The following SYN3 variants were observed in gnomAD, a reference collection of about 807,000 sequenced individuals.
SYN3 encodes the protein synapsin III.
Under a neutral mutation model 65.8 loss-of-function variants are expected in SYN3, and 35 were observed. The observed-to-expected ratio is 0.53, with a 90% confidence interval of 0.41 to 0.70. SYN3 has a LOEUF of 0.70. Ranked by LOEUF, SYN3 falls within the 30% of genes least tolerant of loss-of-function variation. The pLI is 0.00. For missense variants in SYN3, 680 were observed against 749.0 expected (o/e 0.91, Z 1.08); for synonymous variants, 270 against 292.9 (o/e 0.92, Z 0.80).
intron 6 of SYN3, chr22:32,784,892 A>C (rs1179056357): frequency 1.3e-5 from 2 of 152,200 alleles, no homozygotes; most frequent in Non-Finnish European, 2.9e-5. Context: ...TCCTGTTTAT[A>C]CCAGGGCAGG....
intron 6 of SYN3, among the ~76,000 whole-genome samples, chr22:32,828,125 C>CT (rs2047467335): frequency 2.6e-5 from 4 of 152,232 alleles, no homozygotes; most frequent in African/African-American, 9.6e-5. Context: ...ACTTGAAACT[C>CT]TAACATTTGT....
intron 6 of SYN3, among the ~76,000 whole-genome samples, chr22:32,808,119 G>A (rs1371499587): frequency 1.3e-5 from 2 of 152,130 alleles, no homozygotes; most frequent in Admixed American, 6.5e-5. Context: ...GGAGTAATTC[G>A]GTTGAAGATA....
chr22:33,023,721 C>T (rs905659778), intron 1 of SYN3, among the ~76,000 whole-genome samples: 16 of 152,016 alleles, frequency 1.1e-4, no homozygotes, highest in Admixed American at 5.9e-4. Context: ...CACAGTGCGA[C>T]GCTGTCTCAA....
rs1314674890 is a variant in SYN3, at chr22:32,589,316, C to T, written c.774+7358G>A. ...GGACTGCTCATAACATTGGTTAATA[C>T]CACAGAATCTCATCATTGGAGGATA... On this transcript the variant is annotated intron_variant, in intron 7 of 13. Coordinates refer to ENST00000358763, the MANE Select transcript of SYN3 (RefSeq NM_003490.4). Among the ~76,000 whole-genome samples the T allele has an allele frequency of 2.6e-5, 4 of 152,176 alleles. No homozygotes were observed. In the East Asian group the frequency reaches 7.7e-4, roughly 29 times the overall value.
At chr22:32,843,707 G>A (rs1377558381) in intron 6 of SYN3, among the ~76,000 whole-genome samples, 1 of 152,142 alleles carries the variant, frequency 6.6e-6, no homozygotes, top group Admixed American at 6.5e-5. Flanking sequence ...GCGAGCCCAT[G>A]GTCCAGGCTT....
chr22:32,648,090 C>T (rs2060010014), intron 6 of SYN3, among the ~76,000 whole-genome samples: 1 of 152,012 alleles, frequency 6.6e-6, no homozygotes, highest in African/African-American at 2.4e-5. Context: ...TCTCAAACTC[C>T]TGGCCTCAAG....
intron 6 of SYN3, among the ~76,000 whole-genome samples, chr22:32,832,357 G>A (rs2047598348): frequency 1.3e-5 from 2 of 152,100 alleles, no homozygotes; most frequent in Non-Finnish European, 2.9e-5. Flanking sequence ...GGTTAATTGG[G>A]ACACTAGAAT....
chr22:32,979,895 G>A (rs1216339262), intron 3 of SYN3, among the ~76,000 whole-genome samples: 1 of 152,132 alleles, frequency 6.6e-6, no homozygotes, highest in Non-Finnish European at 1.5e-5. Context: ...CCTGGAGTAT[G>A]GCTCCAGAAC....
intron 6 of SYN3, among the ~76,000 whole-genome samples, chr22:32,750,152 CTA>C (rs2145648018): frequency 6.6e-6 from 1 of 152,284 alleles, no homozygotes; most frequent in Admixed American, 6.5e-5. Flanking sequence ...AAATACATCA[CTA>C]TATTGTATGT....
At chr22:32,996,890 G>A (rs909474831) in intron 2 of SYN3, among the ~76,000 whole-genome samples, 2 of 152,222 alleles carry the variant, frequency 1.3e-5, no homozygotes, top group African/African-American at 4.8e-5. Context: ...TTCTTCTGAG[G>A]GTGAGGTCAC....
At chr22:32,556,759 ACCCAATG>A (rs2058502794) in intron 7 of SYN3, among the ~76,000 whole-genome samples, 1 of 113,204 alleles carries the variant, frequency 8.8e-6, no homozygotes, top group African/African-American at 4.2e-5. Context: ...ATATCCATAT[ACCCAATG>A]ACCCAATGAC....
chr22:32,835,754 T>G (rs1315937582), intron 6 of SYN3, among the ~76,000 whole-genome samples: 2 of 152,208 alleles, frequency 1.3e-5, no homozygotes, highest in Non-Finnish European at 2.9e-5. Flanking sequence ...ACTGGACTTC[T>G]CTCTTCCTGC....
intron 10 of SYN3, among the ~76,000 whole-genome samples, chr22:32,533,174 C>G (rs1456435638): frequency 1.3e-5 from 2 of 151,980 alleles, no homozygotes; most frequent in Non-Finnish European, 2.9e-5. Flanking sequence ...CCGGGACCCA[C>G]AGCCCCTCTG....
chr22:32,808,728 T>C (rs1302742648), intron 6 of SYN3, among the ~76,000 whole-genome samples: 1 of 152,182 alleles, frequency 6.6e-6, no homozygotes, highest in Non-Finnish European at 1.5e-5. Context: ...CTTTCCCTGA[T>C]CACTCCTTGG....
chr22:33,042,464 C>T (rs1276912903), intron 1 of SYN3, among the ~76,000 whole-genome samples: 3 of 152,190 alleles, frequency 2.0e-5, no homozygotes, highest in Non-Finnish European at 4.4e-5. Context: ...GCCAAACGGA[C>T]GTGGTAAATC....
chr22:32,603,086 G>C (rs916053755), intron 6 of SYN3, among the ~76,000 whole-genome samples: 1 of 151,714 alleles, frequency 6.6e-6, no homozygotes, highest in Non-Finnish European at 1.5e-5. Context: ...CATTGCATAC[G>C]GGGTGAATCA....
chr22:32,876,975 G>GTAGA (rs543751699), intron 4 of SYN3, among the ~76,000 whole-genome samples: 5 of 152,194 alleles, frequency 3.3e-5, no homozygotes, highest in East Asian at 1.9e-4. Context: ...TAGACGGTAG[G>GTAGA]TAGATAGATA....
intron 4 of SYN3, among the ~76,000 whole-genome samples, chr22:32,879,021 T>C (rs1601607000): frequency 6.6e-6 from 1 of 152,148 alleles, no homozygotes; most frequent in Non-Finnish European, 1.5e-5. Flanking sequence ...AAAATCACTA[T>C]ACTGACTGGT....
At chr22:32,622,620 A>T (rs2059611093) in intron 6 of SYN3, among the ~76,000 whole-genome samples, 2 of 152,060 alleles carry the variant, frequency 1.3e-5, no homozygotes, top group South Asian at 4.2e-4. Context: ...ACATTCCAGA[A>T]AGTCAGAGCT....
Sources: allele counts gnomAD v4.1 joint callset (sites outside exome capture counted in the v4.1 genomes callset), GRCh38; gene constraint gnomAD v4.1.1; transcripts MANE v1.5; gene names NCBI Gene and HGNC (gene_info 2026-07-23, HGNC 2026-07-21).